The following PRPSAP1 variants were observed in gnomAD, a reference collection of about 807,000 sequenced individuals.
PRPSAP1 encodes the protein phosphoribosyl pyrophosphate synthase-associated protein 1.
In PRPSAP1, 31 loss-of-function variants were observed where a neutral mutation model predicts 39.4. That is an observed-to-expected ratio of 0.79 (90% CI 0.59 to 1.06). The LOEUF (loss-of-function observed/expected upper bound fraction) is 1.06. Among genes scored for constraint, PRPSAP1 ranks in the 50% least tolerant of loss-of-function variants. The pLI is 0.00. For missense variants in PRPSAP1, 430 were observed against 511.6 expected (o/e 0.84, Z 1.54); for synonymous variants, 212 against 192.6 (o/e 1.10, Z -0.83).
At chr17:76,338,774 C>T (rs1480439696) in intron 3 of PRPSAP1, among the ~76,000 whole-genome samples, 2 of 151,910 alleles carry the variant, frequency 1.3e-5, no homozygotes, top group South Asian at 2.1e-4. Flanking sequence ...TGGCTCATGC[C>T]TGTAATCCCA....
intron 4 of PRPSAP1, among the ~76,000 whole-genome samples, chr17:76,330,958 A>G (rs776749753): frequency 6.6e-6 from 1 of 152,226 alleles, no homozygotes; most frequent in African/African-American, 2.4e-5. Flanking sequence ...AAAAATATGA[A>G]TATGGAATTA....
chr17:76,314,089 A>G (rs1461650092), intron 7 of PRPSAP1, 198 bp from the exon 8 acceptor site: 1 of 584,698 alleles, frequency 1.7e-6, no homozygotes, highest in Non-Finnish European at 3.0e-6. Flanking sequence ...AAGGCATGCC[A>G]TACATGTTAC....
chr17:76,352,367 C>G (rs143540887), intron 1 of PRPSAP1, among the ~76,000 whole-genome samples: 114 of 152,188 alleles, frequency 7.5e-4, no homozygotes, highest in Middle Eastern at 6.8e-3. Flanking sequence ...GCCATTTCAC[C>G]GGGCGCGGTG....
At chr17:76,351,301 G>T (rs2071567174) in intron 1 of PRPSAP1, among the ~76,000 whole-genome samples, 1 of 152,106 alleles carries the variant, frequency 6.6e-6, no homozygotes, top group Admixed American at 6.6e-5. Context: ...TGGATCACGA[G>T]GTCAGGAGAT....
chr17:76,347,484 C>CA (rs71161289), intron 2 of PRPSAP1, among the ~76,000 whole-genome samples: 1,848 of 25,144 alleles, frequency 0.073, 284 homozygotes, highest in Non-Finnish European at 0.11. Context: ...AAGACTCCGT[C>CA]AAAAAAAAAA....
chr17:76,352,664 A>G (rs1020940114), intron 1 of PRPSAP1, among the ~76,000 whole-genome samples: 5 of 146,448 alleles, frequency 3.4e-5, no homozygotes, highest in Admixed American at 6.7e-5. Flanking sequence ...AAAAAAAAAA[A>G]AAAGAAAAGA....
chr17:76,315,118 T>C (rs2071109162), intron 7 of PRPSAP1, among the ~76,000 whole-genome samples: 15 of 152,198 alleles, frequency 9.9e-5, no homozygotes. Context: ...TAATTGGTGC[T>C]TAAAGTAGAG....
chr17:76,331,318 T>C (rs1311990006), intron 4 of PRPSAP1, among the ~76,000 whole-genome samples: 8 of 152,156 alleles, frequency 5.3e-5, no homozygotes, highest in African/African-American at 1.9e-4. Context: ...CCAGAAACAC[T>C]ATAGTTTTTT....
chr17:76,327,100 C>A (rs1234356092), intron 7 of PRPSAP1, among the ~76,000 whole-genome samples: 1 of 152,124 alleles, frequency 6.6e-6, no homozygotes, highest in African/African-American at 2.4e-5. Flanking sequence ...GTAATCCCAG[C>A]ACACTGGGAG....
chr17:76,327,191 T>C (rs1344418391), intron 7 of PRPSAP1, among the ~76,000 whole-genome samples: 1 of 150,198 alleles, frequency 6.7e-6, no homozygotes. Context: ...CTACTAAAAA[T>C]ACAAAAATTA....
At chr17:76,332,497 T>TC in intron 3 of PRPSAP1, 62 bp from the exon 4 acceptor site, 1 of 1,578,450 alleles carries the variant, frequency 6.3e-7, no homozygotes, top group Admixed American at 1.7e-5. Flanking sequence ...GAAAAGATCT[T>TC]GACTTTATCA....
intron 7 of PRPSAP1, among the ~76,000 whole-genome samples, chr17:76,322,157 G>A (rs926578228): frequency 4.6e-5 from 7 of 152,206 alleles, no homozygotes; most frequent in Admixed American, 4.6e-4. Flanking sequence ...AGCACTTTGG[G>A]AGGCTGAGGC....
intron 9 of PRPSAP1, among the ~76,000 whole-genome samples, chr17:76,312,639 C>T (rs1269583216): frequency 6.6e-6 from 1 of 152,086 alleles, no homozygotes; most frequent in East Asian, 1.9e-4. Flanking sequence ...TACATTACAT[C>T]GTAATTGCAA....
At position 76,313,896 on chromosome 17, in the gene PRPSAP1, C is replaced by G. The variant is rs372729768; in HGVS notation, c.782-5G>C. 3.6e-5 allele frequency: 58 copies of G among 1,613,864 alleles called. No individual in the cohort carries two copies. The African/African-American group carries it at 5.1e-4, about 14-fold the overall frequency. On this transcript the variant is annotated splice_region_variant and splice_polypyrimidine_tract_variant and intron_variant, in intron 7 of 9. Transcript: ENST00000446526. ...GCTTCTCTTTGGCCATCATCACTAG[C>G]AAAACAAAACAAATTACAAGATCTC... is the stretch of plus-strand genomic sequence containing the variant.
chr17:76,340,991 C>CT (rs148203103), intron 3 of PRPSAP1, among the ~76,000 whole-genome samples: 10,318 of 151,616 alleles, frequency 0.068, 419 homozygotes, highest in African/African-American at 0.11. Context: ...GCTGGACTAT[C>CT]TAACAAAATG....
intron 7 of PRPSAP1, among the ~76,000 whole-genome samples, chr17:76,322,505 T>C (rs1567800117): frequency 1.3e-5 from 2 of 152,172 alleles, no homozygotes; most frequent in Non-Finnish European, 2.9e-5. Context: ...CTGCAGCCCA[T>C]TGAACAAGGA....
chr17:76,320,282 AAAAGAAAG>A (rs370211244), intron 7 of PRPSAP1, among the ~76,000 whole-genome samples: 111 of 7,212 alleles, frequency 0.015, 6 homozygotes, highest in African/African-American at 0.041. Context: ...AGAAAGAAAG[AAAAGAAAG>A]AAAGAAAGAA....
At chr17:76,320,303 GA>G (rs1567799138) in intron 7 of PRPSAP1, among the ~76,000 whole-genome samples, 2 of 92,562 alleles carry the variant, frequency 2.2e-5, no homozygotes, top group Admixed American at 2.1e-4. Flanking sequence ...AGAAAGAAAA[GA>G]AAGGAAGGGA....
chr17:76,325,289 G>C lies in PRPSAP1; in HGVS notation c.781+3428C>G, dbSNP rs566185502. On this transcript the variant is annotated intron_variant, in intron 7 of 9. Coordinates refer to ENST00000446526, the MANE Select transcript of PRPSAP1 (RefSeq NM_002766.3). ...CCGGGCGTGGTAGCGGGTGCCTGTA[G>C]TCCCAGCTATTCGGGAGGCTGAGGC... Among the ~76,000 whole-genome samples, 421 of 149,526 alleles carry C rather than the reference G, an allele frequency of 2.8e-3. 2 individuals are homozygous for C. The highest frequency in any genetic ancestry group is 9.2e-3 in the African/African-American group (374 of 40,726).
Sources: allele counts gnomAD v4.1 joint callset (sites outside exome capture counted in the v4.1 genomes callset), GRCh38; gene constraint gnomAD v4.1.1; transcripts MANE v1.5; gene names NCBI Gene and HGNC (gene_info 2026-07-23, HGNC 2026-07-21).